Variants in DYNC1I1 observed in about 807,000 individuals in gnomAD.
The protein encoded by DYNC1I1 is cytoplasmic dynein 1 intermediate chain 1.
A neutral mutation model predicts 86.6 loss-of-function variants in DYNC1I1; 43 were observed. That is an observed-to-expected ratio of 0.50 (90% confidence interval 0.39 to 0.64). DYNC1I1 has a LOEUF of 0.64. Among genes scored for constraint, DYNC1I1 ranks in the 30% least tolerant of loss-of-function variants. The pLI is 0.00. For synonymous variants in DYNC1I1, 262 were observed against 283.7 expected, an observed-to-expected ratio of 0.92 and a Z score of 0.77; for missense variants, 604 against 788.8, an observed-to-expected ratio of 0.77 and a Z score of 2.81.
chr7:96,095,109 G>T (rs1034385900), intron 16 of DYNC1I1, among the ~76,000 whole-genome samples: 2 of 152,128 alleles, frequency 1.3e-5, no homozygotes, highest in Non-Finnish European at 2.9e-5. Context: ...GTCACATGTA[G>T]TTCACTCGCT....
At chr7:95,937,479 G>A (rs187482749) in intron 6 of DYNC1I1, among the ~76,000 whole-genome samples, 49 of 149,954 alleles carry the variant, frequency 3.3e-4, no homozygotes, top group South Asian at 1.3e-3. Flanking sequence ...CAAATTCGAT[G>A]TATGGACCTT....
chr7:95,986,306 G>C (rs898770895), intron 8 of DYNC1I1, among the ~76,000 whole-genome samples: 4 of 152,154 alleles, frequency 2.6e-5, no homozygotes, highest in African/African-American at 9.7e-5. Context: ...TTTTTATGCA[G>C]ATCCCGTAGT....
intron 6 of DYNC1I1, among the ~76,000 whole-genome samples, chr7:95,875,869 A>G (rs530921642): frequency 2.0e-5 from 3 of 152,260 alleles, no homozygotes; most frequent in African/African-American, 7.2e-5. Flanking sequence ...CTCAGCTGTC[A>G]TGGTCTCCAG....
At chr7:95,864,320 T>C (rs953238359) in intron 5 of DYNC1I1, among the ~76,000 whole-genome samples, 2 of 152,214 alleles carry the variant, frequency 1.3e-5, no homozygotes, top group Non-Finnish European at 2.9e-5. Flanking sequence ...CCTGGGTGGA[T>C]TGGACTATGC....
At chr7:96,032,106 C>G (rs1026879250) in intron 11 of DYNC1I1, among the ~76,000 whole-genome samples, 4 of 152,052 alleles carry the variant, frequency 2.6e-5, no homozygotes, top group African/African-American at 9.7e-5. Context: ...TTTATCTCAC[C>G]AGGTACATTG....
rs1794854549 is a variant in DYNC1I1 at position 96,033,255 on chromosome 7, T to G, written c.1230+475T>G. Among the ~76,000 whole-genome samples the G allele has an allele frequency of 2.6e-5, 4 of 152,312 alleles. No homozygotes were observed. In the South Asian group the frequency reaches 8.3e-4, roughly 32 times the overall value. ...TGAAGAAACCATCTGTTTTCCCCTCTGGAATGTTTTTTAGTATGGCTCCTG... is the reference window on the plus strand; with the variant it reads ...TGAAGAAACCATCTGTTTTCCCCTCGGGAATGTTTTTTAGTATGGCTCCTG... On this transcript the variant is annotated intron_variant, in intron 12 of 16. Transcript: ENST00000447467.
chr7:95,920,192 G>A (rs1584160491), intron 6 of DYNC1I1, among the ~76,000 whole-genome samples: 1 of 152,160 alleles, frequency 6.6e-6, no homozygotes, highest in East Asian at 1.9e-4. Context: ...CATGTTAGTA[G>A]CATGTGCCTT....
At chr7:96,074,482 C>T (rs1198981865) in intron 14 of DYNC1I1, among the ~76,000 whole-genome samples, 1 of 138,854 alleles carries the variant, frequency 7.2e-6, no homozygotes, top group Non-Finnish European at 1.5e-5. Flanking sequence ...ACCCGGGAGG[C>T]GGAGCTTGCA....
At chr7:96,086,176 G>A (rs1790674332) in intron 16 of DYNC1I1, among the ~76,000 whole-genome samples, 1 of 152,170 alleles carries the variant, frequency 6.6e-6, no homozygotes, top group South Asian at 2.1e-4. Flanking sequence ...CTTCAGTGCT[G>A]TCACACAGAT....
intron 6 of DYNC1I1, among the ~76,000 whole-genome samples, chr7:95,947,916 T>TA (rs1792446317): frequency 6.6e-6 from 1 of 151,642 alleles, no homozygotes; most frequent in Non-Finnish European, 1.5e-5. Flanking sequence ...TGTTGCACTG[T>TA]AAATTCTCTC....
chr7:96,016,074 C>G (rs1340847531), intron 10 of DYNC1I1, among the ~76,000 whole-genome samples: 1 of 152,064 alleles, frequency 6.6e-6, no homozygotes, highest in East Asian at 1.9e-4. Flanking sequence ...CTACCTTTGG[C>G]CTCATTGCTT....
intron 6 of DYNC1I1, among the ~76,000 whole-genome samples, chr7:95,910,586 G>A (rs991137259): frequency 1.2e-4 from 18 of 152,140 alleles, no homozygotes; most frequent in Non-Finnish European, 7.3e-5. Context: ...GGTGTGCTGG[G>A]GCCAGTAAGT....
chr7:96,081,641 C>T (rs1281914927), intron 16 of DYNC1I1, among the ~76,000 whole-genome samples: 1 of 152,100 alleles, frequency 6.6e-6, no homozygotes, highest in African/African-American at 2.4e-5. Context: ...GCATCCTAGA[C>T]CTAGAAAGTA....
intron 14 of DYNC1I1, among the ~76,000 whole-genome samples, chr7:96,056,611 T>A (rs1264862934): frequency 6.6e-6 from 1 of 152,102 alleles, no homozygotes; most frequent in African/African-American, 2.4e-5. Context: ...TACTACAACA[T>A]ACAGTAGTGT....
intron 6 of DYNC1I1, among the ~76,000 whole-genome samples, chr7:95,877,683 G>T (rs1790345247): frequency 6.6e-6 from 1 of 152,214 alleles, no homozygotes; most frequent in African/African-American, 2.4e-5. Context: ...AACATAGCTA[G>T]CTTACCAGAC....
chr7:95,936,796 T>A (rs1266342558), intron 6 of DYNC1I1, among the ~76,000 whole-genome samples: 2 of 151,974 alleles, frequency 1.3e-5, no homozygotes, highest in Non-Finnish European at 2.9e-5. Context: ...TGTCATTTTT[T>A]AAAGTGTGTA....
intron 6 of DYNC1I1, among the ~76,000 whole-genome samples, chr7:95,913,171 G>T (rs1791382397): frequency 6.6e-6 from 1 of 151,984 alleles, no homozygotes; most frequent in Non-Finnish European, 1.5e-5. Context: ...ATCCTGGGTG[G>T]GAAAAAACAG....
chr7:95,810,399 T>C lies in DYNC1I1; in HGVS notation c.116T>C (p.Met39Thr), dbSNP rs1391281994. 1.9e-6 allele frequency: 3 copies of C among 1,608,838 alleles called. No individual in the cohort carries two copies. The highest frequency in any genetic ancestry group is 2.5e-6 in the Non-Finnish European group (3 of 1,177,620). The stretch of plus-strand genomic sequence containing the variant: ...ACTGACGTCTACTTCTAGGCTGATA[T>C]GCAGCAGAAGAAAGAACCCGTTCAG... ...EEERKKKEAD[M>T]QQKKEPVQDD... Residue 39 changes from methionine to threonine, a missense_variant, in exon 3 of 17, where the codon ATG becomes ACG. Coordinates refer to ENST00000447467, the MANE Select transcript of DYNC1I1 (RefSeq NM_001135556.2).
chr7:96,080,451 A>G lies in DYNC1I1; in HGVS notation c.1739A>G (p.Asp580Gly). Residue 580 changes from aspartate (D) to glycine (G), a missense_variant, in exon 16 of 17, where the codon GAC becomes GGC. Physicochemically the swap from Asp to Gly is moderately conservative, Grantham distance 94 (BLOSUM62 -1). Coordinates refer to ENST00000447467, the MANE Select transcript of DYNC1I1 (RefSeq NM_001135556.2). ...AQAGKEVAVGDSEGRIWVYDV... is the reference protein window; with the variant it reads ...AQAGKEVAVGGSEGRIWVYDV... ...GCTGGCAAAGAAGTTGCTGTTGGGG[A>G]CTCGGAAGGCCGTATTTGGGTCTAT... 1.2e-6 allele frequency: 2 copies of G among 1,614,082 alleles called. No individual in the cohort carries two copies. Among genetic ancestry groups the G allele is most frequent in the South Asian group, 2.2e-5 (2 of 91,072 alleles).
Sources: gnomAD v4.1 joint callset for allele counts (sites outside exome capture counted in the v4.1 genomes callset) on GRCh38, gnomAD v4.1.1 for gene constraint, MANE v1.5 for transcripts, NCBI Gene and HGNC (gene_info 2026-07-23, HGNC 2026-07-21) for gene names.